The following MDGA2 variants were observed in gnomAD, a reference collection of about 807,000 sequenced individuals.
The protein encoded by MDGA2 is MAM domain containing glycosylphosphatidylinositol anchor 2.
In MDGA2, 40 loss-of-function variants were observed where a neutral mutation model predicts 117.8. That is an observed-to-expected ratio of 0.34 (90% CI 0.26 to 0.44). MDGA2 has a LOEUF of 0.44. Among genes scored for constraint, MDGA2 ranks in the 20% least tolerant of loss-of-function variants. MDGA2 has a pLI of 1.00. For missense variants in MDGA2, 1,123 were observed against 1,250.6 expected (o/e 0.90, Z 1.54); for synonymous variants, 452 against 439.0 (o/e 1.03, Z -0.37).
intron 1 of MDGA2, among the ~76,000 whole-genome samples, chr14:47,392,419 C>A (rs1049387973): frequency 6.6e-6 from 1 of 152,030 alleles, no homozygotes; most frequent in African/African-American, 2.4e-5. Context: ...AAAATTTTGA[C>A]CCACATAAAA....
chr14:47,252,188 G>A (rs1887470442), intron 2 of MDGA2, among the ~76,000 whole-genome samples: 1 of 151,914 alleles, frequency 6.6e-6, no homozygotes, highest in Non-Finnish European at 1.5e-5. Flanking sequence ...TTGATTAAAG[G>A]TAGGATACAA....
intron 3 of MDGA2, among the ~76,000 whole-genome samples, chr14:47,155,835 C>T (rs989999445): frequency 1.4e-5 from 2 of 147,892 alleles, no homozygotes; most frequent in South Asian, 2.2e-4. Context: ...AAGGGTCTTG[C>T]GACATTTTTT....
chr14:47,400,949 G>C (rs974037787), intron 1 of MDGA2, among the ~76,000 whole-genome samples: 2 of 150,438 alleles, frequency 1.3e-5, no homozygotes, highest in Non-Finnish European at 3.0e-5. Flanking sequence ...AGTAGAGACG[G>C]GGTTTCACCG....
chr14:46,869,462 G>A (rs532884897), intron 14 of MDGA2, among the ~76,000 whole-genome samples: 270 of 149,458 alleles, frequency 1.8e-3, no homozygotes, highest in Non-Finnish European at 2.6e-3. Context: ...TTATTATCAT[G>A]GCCAGATGTT....
At chr14:47,372,402 A>G (rs910535001) in intron 1 of MDGA2, among the ~76,000 whole-genome samples, 5 of 151,966 alleles carry the variant, frequency 3.3e-5, no homozygotes, top group Non-Finnish European at 5.9e-5. Flanking sequence ...AATTTGATAG[A>G]AAAAGGGCAA....
At chr14:47,226,388 T>C (rs1886503594) in intron 2 of MDGA2, among the ~76,000 whole-genome samples, 1 of 151,970 alleles carries the variant, frequency 6.6e-6, no homozygotes, top group Admixed American at 6.6e-5. Flanking sequence ...GGCGAGGACA[T>C]AATATTTCTG....
chr14:47,467,828 G>A (rs1021629491), intron 1 of MDGA2, among the ~76,000 whole-genome samples: 10 of 152,044 alleles, frequency 6.6e-5, no homozygotes, highest in African/African-American at 2.4e-4. Flanking sequence ...TTTTAACCTT[G>A]TTGACTGGTC....
intron 1 of MDGA2, among the ~76,000 whole-genome samples, chr14:47,380,654 A>G (rs780233848): frequency 4.6e-5 from 7 of 152,074 alleles, no homozygotes; most frequent in Non-Finnish European, 8.8e-5. Flanking sequence ...TCCCAAGACT[A>G]AACCAGGAAG....
At chr14:47,590,999 GTCA>G (rs1896427032) in intron 1 of MDGA2, among the ~76,000 whole-genome samples, 1 of 151,820 alleles carries the variant, frequency 6.6e-6, no homozygotes, top group African/African-American at 2.4e-5. Context: ...GAAAAAAAAA[GTCA>G]ATTTAACCCA....
At chr14:47,253,685 C>T (rs915671731) in intron 2 of MDGA2, among the ~76,000 whole-genome samples, 2 of 152,098 alleles carry the variant, frequency 1.3e-5, no homozygotes, top group Non-Finnish European at 2.9e-5. Context: ...GGTGAATCTA[C>T]CATTCAGGGA....
intron 8 of MDGA2, among the ~76,000 whole-genome samples, chr14:46,971,730 T>C (rs75170636): frequency 0.12 from 18,005 of 151,866 alleles, 1,986 homozygotes; most frequent in African/African-American, 0.26. Flanking sequence ...AGGTAAACAG[T>C]TAAAAAATAG....
chr14:47,176,987 C>A (rs866164163), intron 3 of MDGA2, among the ~76,000 whole-genome samples: 3 of 151,944 alleles, frequency 2.0e-5, no homozygotes, highest in East Asian at 3.9e-4. Flanking sequence ...AAAAAGTGGG[C>A]GAAGGACATG....
chr14:47,398,496 A>G (rs1183259520), intron 1 of MDGA2, among the ~76,000 whole-genome samples: 1 of 152,162 alleles, frequency 6.6e-6, no homozygotes, highest in African/African-American at 2.4e-5. Context: ...GATTATAGAA[A>G]CTATATATTT....
intron 1 of MDGA2, among the ~76,000 whole-genome samples, chr14:47,310,881 T>C (rs1317052304): frequency 9.9e-5 from 15 of 152,146 alleles, no homozygotes; most frequent in African/African-American, 3.4e-4. Context: ...AGAGAAGCTA[T>C]TATAACACTG....
chr14:47,112,602 T>C (rs1166203333), intron 5 of MDGA2, among the ~76,000 whole-genome samples: 3 of 152,246 alleles, frequency 2.0e-5, no homozygotes, highest in Non-Finnish European at 4.4e-5. Flanking sequence ...TAGTATTCCA[T>C]GGTATATATG....
At chr14:47,011,861 T>A (rs990095136) in intron 8 of MDGA2, among the ~76,000 whole-genome samples, 4 of 152,030 alleles carry the variant, frequency 2.6e-5, no homozygotes, top group Non-Finnish European at 5.9e-5. Context: ...AAAGTAGAAA[T>A]AATGAAATCG....
At chr14:47,377,218 G>C (rs1891498107) in intron 1 of MDGA2, among the ~76,000 whole-genome samples, 1 of 152,130 alleles carries the variant, frequency 6.6e-6, no homozygotes, top group Admixed American at 6.6e-5. Flanking sequence ...ATGTGATAAA[G>C]CTGAAGAAAA....
At chr14:47,306,553 C>T (rs561540113) in intron 1 of MDGA2, among the ~76,000 whole-genome samples, 3 of 152,128 alleles carry the variant, frequency 2.0e-5, no homozygotes, top group African/African-American at 7.2e-5. Flanking sequence ...CAAGTAAGAG[C>T]CTGGTTTTTT....
chr14:47,132,155 G>A (rs1269223384), intron 4 of MDGA2, among the ~76,000 whole-genome samples: 10 of 151,814 alleles, frequency 6.6e-5, no homozygotes, highest in Admixed American at 5.9e-4. Flanking sequence ...TATTTCTGGT[G>A]GTAGTTATGC....
Sources: gnomAD v4.1 joint callset for allele counts (sites outside exome capture counted in the v4.1 genomes callset) on GRCh38, gnomAD v4.1.1 for gene constraint, MANE v1.5 for transcripts, NCBI Gene and HGNC (gene_info 2026-07-23, HGNC 2026-07-21) for gene names.